Variants in IQSEC1 observed in about 807,000 individuals in gnomAD.
IQSEC1 encodes the protein IQ motif and Sec7 domain ArfGEF 1, also known as IQ motif and SEC7 domain-containing protein 1.
In IQSEC1, 31 loss-of-function variants were observed where a neutral mutation model predicts 91.0. That is an observed-to-expected ratio of 0.34 (90% CI 0.26 to 0.46). IQSEC1 has a LOEUF of 0.46. Ranked by LOEUF, IQSEC1 falls within the 20% of genes least tolerant of loss-of-function variation. The probability of loss-of-function intolerance (pLI) is 1.00; values close to 1 mark genes in which losing one functional copy is unlikely to be tolerated. For synonymous variants in IQSEC1, 699 were observed against 662.6 expected (o/e 1.05, Z -0.84); for missense variants, 1,388 against 1,575.6 (o/e 0.88, Z 2.02).
At chr3:13,040,285 ACCTC>A (rs772443067) in intron 1 of IQSEC1, among the ~76,000 whole-genome samples, 1 of 151,666 alleles carries the variant, frequency 6.6e-6, no homozygotes, top group Non-Finnish European at 1.5e-5. Context: ...TTCCAATAAG[ACCTC>A]CCTCAGGCTG....
chr3:13,165,578 G>GTGTGTGTGTCTGTCTGTC (rs1377649445), intron 1 of IQSEC1, among the ~76,000 whole-genome samples: 11 of 105,754 alleles, frequency 1.0e-4, no homozygotes, highest in Admixed American at 5.8e-4. Flanking sequence ...GTGTGTGTGT[G>GTGTGTGTGTCTGTCTGTC]TGTCTGTCTG....
intron 1 of IQSEC1, among the ~76,000 whole-genome samples, chr3:13,013,063 C>T (rs1441232799): frequency 6.6e-6 from 1 of 150,722 alleles, no homozygotes; most frequent in Non-Finnish European, 1.5e-5. Flanking sequence ...CAGGTTCAAG[C>T]GATTCTCCTG....
intron 1 of IQSEC1, among the ~76,000 whole-genome samples, chr3:13,066,449 G>T (rs966900828): frequency 1.3e-5 from 2 of 152,232 alleles, no homozygotes; most frequent in Admixed American, 6.5e-5. Context: ...CTATGAGGGG[G>T]CCCATTTGCC....
chr3:13,250,603 ATTTAT>A (rs201541847), intron 1 of IQSEC1, among the ~76,000 whole-genome samples: 20,349 of 134,550 alleles, frequency 0.15, 1,517 homozygotes, highest in East Asian at 0.17. Context: ...CACCCAGATA[ATTTAT>A]TTTATTTTAT....
chr3:12,938,833 T>C (rs1055303136), intron 2 of IQSEC1, among the ~76,000 whole-genome samples: 2 of 152,120 alleles, frequency 1.3e-5, no homozygotes, highest in Non-Finnish European at 2.9e-5. Context: ...CCTGTGTGTG[T>C]TGGGGGCGAA....
At chr3:12,977,846 G>T (rs1263082089) in intron 1 of IQSEC1, among the ~76,000 whole-genome samples, 1 of 152,210 alleles carries the variant, frequency 6.6e-6, no homozygotes, top group Non-Finnish European at 1.5e-5. Context: ...TGTCCCAGTG[G>T]AAGGAAGACC....
rs1281614442 is a variant in IQSEC1 at position 12,899,197 on chromosome 3, T to C, written c.*1786A>G. On this transcript the variant is annotated 3_prime_UTR_variant, in exon 14 of 14. Transcript: ENST00000613206. Reference sequence around the variant, plus strand: ...GTGAGGAGGGAAATCGGCAAAACCCTGGCCAGCCAGCCAGCCAAGGTGACA... The same window carrying C: ...GTGAGGAGGGAAATCGGCAAAACCCCGGCCAGCCAGCCAGCCAAGGTGACA... The C allele has an allele frequency of 3.1e-5, 19 of 622,204 alleles. No homozygotes were observed. In the Admixed American group the frequency reaches 5.7e-4, roughly 19 times the overall value. The allele number at this position is 622,204 out of a possible 1,614,324, so 38.5% of individuals were successfully genotyped here.
At chr3:13,079,168 C>A (rs938670146) in intron 2 of IQSEC1, among the ~76,000 whole-genome samples, 1 of 152,218 alleles carries the variant, frequency 6.6e-6, no homozygotes, top group Admixed American at 6.5e-5. Context: ...CACAGATGTG[C>A]ACGTGGAGTT....
intron 1 of IQSEC1, among the ~76,000 whole-genome samples, chr3:13,195,075 G>A (rs200215139): frequency 6.6e-6 from 1 of 152,248 alleles, no homozygotes; most frequent in South Asian, 2.1e-4. Flanking sequence ...ACTGACTGGG[G>A]AGAATGTTAC....
At chr3:13,113,608 C>G (rs1706287332) in intron 2 of IQSEC1, among the ~76,000 whole-genome samples, 1 of 152,180 alleles carries the variant, frequency 6.6e-6, no homozygotes, top group African/African-American at 2.4e-5. Flanking sequence ...GGCCTCCACC[C>G]TCTGGGAGGG....
At chr3:13,068,224 T>A (rs1365579212) in intron 1 of IQSEC1, among the ~76,000 whole-genome samples, 5 of 152,226 alleles carry the variant, frequency 3.3e-5, no homozygotes, top group African/African-American at 1.2e-4. Context: ...CCTTCACGGA[T>A]CCTTTGGTGG....
At chr3:13,181,552 G>A (rs867929911) in intron 1 of IQSEC1, among the ~76,000 whole-genome samples, 2 of 152,152 alleles carry the variant, frequency 1.3e-5, no homozygotes, top group African/African-American at 4.8e-5. Flanking sequence ...TCTATTACAG[G>A]CCAGGCACTA....
intron 1 of IQSEC1, among the ~76,000 whole-genome samples, chr3:13,164,221 C>T (rs1693425066): frequency 1.3e-5 from 2 of 152,136 alleles, no homozygotes; most frequent in Admixed American, 1.3e-4. Flanking sequence ...GACCCTGAGG[C>T]CCCAGCTGCT....
chr3:13,203,648 T>G lies in IQSEC1; in HGVS notation c.273-39515A>C, dbSNP rs1188055116. On this transcript the variant is annotated intron_variant, in intron 1 of 15. Transcript: ENST00000648114. ...CCGAAACACTGCGCTTGCAGTACCC[T>G]TAGTCACACGCGCACAGAGAGGACG... Among the ~76,000 whole-genome samples, 4 of 152,216 alleles carry G rather than the reference T, an allele frequency of 2.6e-5. No individual in the cohort carries two copies. In the East Asian group the frequency reaches 7.7e-4, roughly 29 times the overall value.
Position 13,022,112 on chromosome 3 carries a change from T to A in IQSEC1, c.23+50880A>T, listed in dbSNP as rs549999609. ...CCATACCCCTTCATGCCTGGCTCGG[T>A]GGAGGAGCGAGTGGCCAAGGGGCCC... On this transcript the variant is annotated intron_variant, in intron 1 of 13. Transcript: ENST00000613206. The A allele has an allele frequency of 1.1e-5, 14 of 1,231,790 alleles. No homozygotes were observed. The South Asian group carries it at 4.9e-4, about 43-fold the overall frequency. 76.3% of individuals were successfully genotyped at this position (1,231,790 alleles called of 1,614,324 possible).
intron 1 of IQSEC1, among the ~76,000 whole-genome samples, chr3:13,257,684 C>A (rs1327333763): frequency 6.6e-6 from 1 of 152,206 alleles, no homozygotes; most frequent in African/African-American, 2.4e-5. Flanking sequence ...TCCTCTGAAC[C>A]CGGAGCCCCT....
At position 12,899,284 on chromosome 3, in the gene IQSEC1, C is replaced by A; in HGVS notation, c.*1699G>T. ...CGGCCACGGCTCACCACGCTGTCCA[C>A]TGGGAACGCGGCCCCGCGGCCCGCA... On this transcript the variant is annotated 3_prime_UTR_variant, in exon 14 of 14. Coordinates refer to ENST00000613206, the MANE Select transcript of IQSEC1 (RefSeq NM_001134382.3). 7.7e-7 allele frequency: 1 copy of A among 1,299,636 alleles called. No individual in the cohort carries two copies. The highest frequency in any genetic ancestry group is 1.1e-6 in the Non-Finnish European group (1 of 924,684). 80.5% of individuals were successfully genotyped at this position (1,299,636 alleles called of 1,614,324 possible). A position where few individuals can be genotyped will look rare whatever the true frequency, so the allele number is the denominator to read the frequency against.
chr3:13,189,368 C>T (rs186682163), intron 1 of IQSEC1, among the ~76,000 whole-genome samples: 64 of 151,962 alleles, frequency 4.2e-4, no homozygotes, highest in African/African-American at 1.4e-3. Context: ...CCCCAGCTGA[C>T]GGTTGAGGTC....
intron 1 of IQSEC1, among the ~76,000 whole-genome samples, chr3:13,179,804 C>T (rs967520096): frequency 6.6e-6 from 1 of 152,234 alleles, no homozygotes; most frequent in African/African-American, 2.4e-5. Context: ...TGCGGGCCAG[C>T]GCGAGTTCCG....
Sources: gnomAD v4.1 joint callset for allele counts (sites outside exome capture counted in the v4.1 genomes callset) on GRCh38, gnomAD v4.1.1 for gene constraint, MANE v1.5 for transcripts, NCBI Gene and HGNC (gene_info 2026-07-23, HGNC 2026-07-21) for gene names.